The following UBE4A variants were observed in gnomAD, a reference collection of about 807,000 sequenced individuals.
UBE4A encodes ubiquitination factor E4A.
Under a neutral mutation model 117.9 loss-of-function variants are expected in UBE4A, and 48 were observed. That is an observed-to-expected ratio of 0.41 (90% confidence interval 0.32 to 0.52). The LOEUF (loss-of-function observed/expected upper bound fraction) is 0.52. Ranked by LOEUF, UBE4A falls within the 20% of genes least tolerant of loss-of-function variation. The pLI is 0.33. For missense variants in UBE4A, 1,067 were observed against 1,296.3 expected, an observed-to-expected ratio of 0.82 and a Z score of 2.72; for synonymous variants, 407 against 450.0, an observed-to-expected ratio of 0.90 and a Z score of 1.21.
chr11:118,395,163 T>C (rs1555129368), intron 19 of UBE4A, among the ~76,000 whole-genome samples: 1 of 151,604 alleles, frequency 6.6e-6, no homozygotes, highest in Admixed American at 6.6e-5. Flanking sequence ...ACCCCATCTC[T>C]ACTAAAAATA....
chr11:118,372,149 G>A (rs919851996), intron 5 of UBE4A, among the ~76,000 whole-genome samples: 4 of 152,306 alleles, frequency 2.6e-5, no homozygotes, highest in African/African-American at 9.6e-5. Context: ...CAGCTACTCA[G>A]GAGGCTGAGG....
intron 9 of UBE4A, among the ~76,000 whole-genome samples, chr11:118,375,945 T>G (rs1555125312): frequency 6.6e-6 from 1 of 152,136 alleles, no homozygotes; most frequent in Non-Finnish European, 1.5e-5. Context: ...CATAGCTGAG[T>G]CTTGAGAGAC....
In UBE4A at chr11:118,386,459, C is replaced by G. The variant is rs1948759504; in HGVS notation, c.2434C>G (p.Gln812Glu). Reference protein sequence around the residue: ...AIQYLSKIKIQQIEKDRGEWD... With the variant: ...AIQYLSKIKIEQIEKDRGEWD... ...GCAGTATTTGAGCAAGATAAAGATTCAGCAAATTGAGAAGGATCGAGGTGA... is the reference window on the plus strand; with the variant it reads ...GCAGTATTTGAGCAAGATAAAGATTGAGCAAATTGAGAAGGATCGAGGTGA... Residue 812 changes from glutamine (Q) to glutamate (E), a missense_variant, in exon 16 of 20, where the codon CAG becomes GAG. By Grantham distance (29) the Gln-to-Glu change is conservative (BLOSUM62 2). Transcript: ENST00000252108. 5.0e-6 allele frequency: 8 copies of G among 1,606,288 alleles called. No homozygotes were observed. The highest frequency in any genetic ancestry group is 6.8e-6 in the Non-Finnish European group (8 of 1,177,520).
At chr11:118,382,436 C>G (rs1037524458) in intron 12 of UBE4A, among the ~76,000 whole-genome samples, 153 bp from the exon 13 acceptor site, 1 of 122,698 alleles carries the variant, frequency 8.2e-6, no homozygotes, top group Admixed American at 9.9e-5. Flanking sequence ...CCCAGCCGCA[C>G]CAAGAAACTG....
chr11:118,374,784 A>AG lies in UBE4A; in HGVS notation c.1117-108dup, dbSNP rs1948636806. ...ATTAGGGGATGAGGCACAGAGAGTG[A>AG]GGGGAAAGATTAGGATTAGCATATT... On this transcript the variant is annotated intron_variant, in intron 8 of 19. Transcript: ENST00000252108. 13 of 977,232 alleles carry AG rather than the reference A, an allele frequency of 1.3e-5. No individual in the cohort carries two copies. In the South Asian group the frequency reaches 2.8e-4, roughly 21 times the overall value. The allele number at this position is 977,232 out of a possible 1,614,324, so 60.5% of individuals were successfully genotyped here.
At position 118,395,957 on chromosome 11, in the gene UBE4A, C is replaced by G. The variant is rs555122784; in HGVS notation, c.3075-357C>G. 3.9e-5 allele frequency among the ~76,000 whole-genome samples: 6 copies of G among 152,202 alleles called. No individual in the cohort carries two copies. The East Asian group carries it at 1.2e-3, about 29-fold the overall frequency. On this transcript the variant is annotated intron_variant, in intron 19 of 19. Transcript: ENST00000252108. ...GAGTGTCATGGTGCAGGCCTGTAAT[C>G]CCAGCTACTTGGGAGGCTGAGGTCA...
chr11:118,393,861 G>A (rs970575571), intron 19 of UBE4A, among the ~76,000 whole-genome samples: 5 of 152,150 alleles, frequency 3.3e-5, no homozygotes, highest in Admixed American at 3.3e-4. Context: ...CTCCCAAAGT[G>A]CTGGGATTAT....
chr11:118,375,324 T>A, intron 9 of UBE4A, 95 bp downstream of exon 9: 1 of 1,234,892 alleles, frequency 8.1e-7, no homozygotes, highest in Non-Finnish European at 1.1e-6. Flanking sequence ...AGTTCCTTTC[T>A]CAAAAAAAGA....
At chr11:118,377,223 T>C (rs1178917605) in intron 10 of UBE4A, among the ~76,000 whole-genome samples, 1 of 152,226 alleles carries the variant, frequency 6.6e-6, no homozygotes, top group East Asian at 1.9e-4. Flanking sequence ...GTCGTTGTTG[T>C]TGAAATGGAT....
chr11:118,385,093 A>G, intron 15 of UBE4A, 148 bp downstream of exon 15: 3 of 659,080 alleles, frequency 4.6e-6, no homozygotes. Context: ...TTAGTAGTGT[A>G]CCACCAAGCT....
At position 118,396,493 on chromosome 11, in the gene UBE4A, GT is replaced by G; in HGVS notation, c.*56del. 6.6e-7 allele frequency: 1 copy of G among 1,507,952 alleles called. No individual in the cohort carries two copies. Among genetic ancestry groups the G allele is most frequent in the Non-Finnish European group, 8.9e-7 (1 of 1,129,552 alleles). 93.4% of individuals were successfully genotyped at this position (1,507,952 alleles called of 1,614,324 possible). On this transcript the variant is annotated 3_prime_UTR_variant, in exon 20 of 20. Transcript: ENST00000252108. ...AACCCCAGAGTGCAGATAAACAATT[GT>G]TTGTGGTTTCTCTCTTTCTGGTTCT...
At chr11:118,381,553 T>C in intron 12 of UBE4A, 30 bp downstream of exon 12, 1 of 1,606,810 alleles carries the variant, frequency 6.2e-7, no homozygotes, top group Non-Finnish European at 8.5e-7. Context: ...GTTCTGTCAC[T>C]GTTTAGGCTG....
chr11:118,366,466 A>G (rs759847109), intron 2 of UBE4A, among the ~76,000 whole-genome samples: 14 of 152,206 alleles, frequency 9.2e-5, no homozygotes, highest in Non-Finnish European at 1.8e-4. Flanking sequence ...ATAAACAGAC[A>G]TAAATCTGGC....
chr11:118,390,523 A>T, intron 17 of UBE4A, 134 bp from the exon 18 acceptor site: 1 of 286,820 alleles, frequency 3.5e-6, no homozygotes. Context: ...ATATATATTG[A>T]AATAAGTCTT....
intron 18 of UBE4A, 64 bp from the exon 19 acceptor site, chr11:118,392,674 A>G (rs1374467969): frequency 6.5e-7 from 1 of 1,526,952 alleles, no homozygotes; most frequent in African/African-American, 1.4e-5. Context: ...TTGCTCTGTC[A>G]TTGAGCACGC....
intron 11 of UBE4A, among the ~76,000 whole-genome samples, chr11:118,380,132 T>TGTGC (rs1555126060): frequency 1.5e-5 from 1 of 68,626 alleles, no homozygotes; most frequent in Non-Finnish European, 2.8e-5. Flanking sequence ...TGTGTGTGTG[T>TGTGC]GCGTGTGTGT....
chr11:118,378,446 C>T (rs1013677852), intron 10 of UBE4A: 3 of 152,152 alleles, frequency 2.0e-5, no homozygotes, highest in Non-Finnish European at 4.4e-5. Context: ...AGTTCTGGTT[C>T]TGGCTATTCA....
At chr11:118,388,923 C>T (rs1948785593) in intron 16 of UBE4A, among the ~76,000 whole-genome samples, 1 of 151,836 alleles carries the variant, frequency 6.6e-6, no homozygotes, top group African/African-American at 2.4e-5. Flanking sequence ...GAACCATGAT[C>T]GTGCCACTGC....
rs1384547196 is a variant in UBE4A at position 118,371,572 on chromosome 11, C to T, written c.467C>T (p.Ser156Phe). The change falls in exon 5 of 20, where the codon TCT (serine) becomes TTT (phenylalanine). Residue 156 changes from serine (S) to phenylalanine (F), a missense_variant. Ser to Phe is a radical substitution (Grantham distance 155). Transcript: ENST00000252108. ...DPGNHLINMT[S>F]STTLNLSADR... ...GGCAACCACTTAATTAACATGACTT[C>T]TTCTACAACGCTAAATCTCTCTGCT... 4 of 1,614,048 alleles carry T rather than the reference C, an allele frequency of 2.5e-6. No homozygotes were observed. The highest frequency in any genetic ancestry group is 3.4e-6 in the Non-Finnish European group (4 of 1,179,998).
Sources: allele counts gnomAD v4.1 joint callset (sites outside exome capture counted in the v4.1 genomes callset), GRCh38; gene constraint gnomAD v4.1.1; transcripts MANE v1.5; gene names NCBI Gene and HGNC (gene_info 2026-07-23, HGNC 2026-07-21).